PRDM14: variants seen among roughly 807,000 people sequenced by gnomAD.
The protein encoded by PRDM14 is PR domain zinc finger protein 14.
A neutral mutation model predicts 48.0 loss-of-function variants in PRDM14; 16 were observed. The observed-to-expected ratio is 0.33, with a 90% CI of 0.23 to 0.51. The LOEUF (loss-of-function observed/expected upper bound fraction) is 0.51, where lower values mean the gene tolerates loss of function less well. PRDM14 is among the 20% of genes least tolerant of loss of function. The pLI, the probability that PRDM14 is intolerant of heterozygous loss-of-function variation, is 0.97. For missense variants in PRDM14, 566 were observed against 719.6 expected (o/e 0.79, Z 2.44); for synonymous variants, 264 against 276.6 (o/e 0.95, Z 0.45).
Position 70,069,840 on chromosome 8 carries a change from ACTT to A in PRDM14, c.18_20del (p.Ser7del). 6.2e-7 allele frequency: 1 copy of A among 1,604,650 alleles called. No individual in the cohort carries two copies. The highest frequency in any genetic ancestry group is 8.5e-7 in the Non-Finnish European group (1 of 1,176,122). On this transcript the variant is annotated inframe_deletion, in exon 2 of 8. Transcript: ENST00000276594. ...ACACCTTGTCCTGAGGCACGGCCTCACTTGGCCGGGGTAGAGCCATCCCGGGAC... is the reference window on the plus strand; with the variant it reads ...ACACCTTGTCCTGAGGCACGGCCTCAGGCCGGGGTAGAGCCATCCCGGGAC...
chr8:70,057,034 C>T (rs1226371371), intron 6 of PRDM14, among the ~76,000 whole-genome samples: 10 of 150,766 alleles, frequency 6.6e-5, no homozygotes, highest in African/African-American at 2.2e-4. Flanking sequence ...GGCGCGATCT[C>T]GGCTCACTGC....
intron 5 of PRDM14, 26 bp from the exon 6 acceptor site, chr8:70,058,868 C>G: frequency 3.2e-6 from 5 of 1,570,654 alleles, no homozygotes; most frequent in Non-Finnish European, 4.4e-6. Flanking sequence ...AACACAATGT[C>G]TCTTCAGTTA....
rs746331528 is a variant in PRDM14, at chr8:70,069,438, G to T, written c.423C>A (p.Gly141=). The change falls in exon 2 of 8, where the codon GGC becomes GGA. Residue 141 remains glycine, a synonymous_variant. Transcript: ENST00000276594. ...HQIIGGDNES[G]PCCGPDTLIP... is the part of the protein sequence containing the mutation. ...TTAAAGTGTCAGGTCCACAACACGG[G>T]CCACTCTCGTTGTCGCCACCAATGA... 1.3e-6 allele frequency: 2 copies of T among 1,588,424 alleles called. No homozygotes were observed. The highest frequency in any genetic ancestry group is 2.3e-5 in the South Asian group (2 of 87,024).
intron 2 of PRDM14, 78 bp from the exon 3 acceptor site, chr8:70,068,610 A>G: frequency 1.7e-6 from 2 of 1,181,344 alleles, no homozygotes; most frequent in East Asian, 4.8e-5. Context: ...TCCCTCCTTA[A>G]TTCCCTAAAG....
Position 70,058,810 on chromosome 8 carries a change from C to T in PRDM14, c.1216G>A (p.Gly406Arg), listed in dbSNP as rs1805523878. The change falls in exon 6 of 8, where the codon GGG (glycine) becomes AGG (arginine). Residue 406 changes from glycine (G) to arginine (R), a missense_variant. Physicochemically the swap from Gly to Arg is moderately radical, Grantham distance 125. Coordinates refer to ENST00000276594, the MANE Select transcript of PRDM14 (RefSeq NM_024504.4). ...SAEGYRCERC[G>R]KVFTYKYYRD... ...TAATATTTGTAGGTAAATACCTTCC[C>T]ACATCTTTCACATCTGTAGCCTTCT... 1.9e-6 allele frequency: 3 copies of T among 1,614,082 alleles called. No homozygotes were observed. Among genetic ancestry groups the T allele is most frequent in the East Asian group, 2.2e-5 (1 of 44,886 alleles).
At chr8:70,053,636 C>T (rs1168634302) in intron 7 of PRDM14, among the ~76,000 whole-genome samples, 1 of 152,118 alleles carries the variant, frequency 6.6e-6, no homozygotes, top group Non-Finnish European at 1.5e-5. Flanking sequence ...TTGATCCACC[C>T]ACCTTGGCCT....
At chr8:70,069,089 C>G (rs1316839019) in intron 2 of PRDM14, 72 bp downstream of exon 2, 1 of 1,261,476 alleles carries the variant, frequency 7.9e-7, no homozygotes, top group Non-Finnish European at 1.1e-6. Context: ...GGAAGCGCCT[C>G]TTCCCGGACA....
chr8:70,065,541 C>A (rs1480793445), intron 5 of PRDM14, among the ~76,000 whole-genome samples: 4 of 152,078 alleles, frequency 2.6e-5, no homozygotes, highest in Admixed American at 2.6e-4. Flanking sequence ...TCCTGGGCCC[C>A]TACCCTGAAT....
At chr8:70,053,999 C>A (rs976163706) in intron 7 of PRDM14, among the ~76,000 whole-genome samples, 1 of 152,202 alleles carries the variant, frequency 6.6e-6, no homozygotes, top group Non-Finnish European at 1.5e-5. Context: ...GTGGCTAATG[C>A]AACCTAGGGA....
In PRDM14 at chr8:70,069,395, C is replaced by A. The variant is rs201614345; in HGVS notation, c.466G>T (p.Asp156Tyr). 2 of 1,609,724 alleles carry A rather than the reference C, an allele frequency of 1.2e-6. No homozygotes were observed. The highest frequency in any genetic ancestry group is 1.7e-6 in the Non-Finnish European group (2 of 1,177,796). ...PDTLIPPPPADASLLPEGLRT... is the reference protein window; with the variant it reads ...PDTLIPPPPAYASLLPEGLRT... ...AGCCCCTCAGGTAACAGAGAAGCAT[C>A]CGCAGGGGGCGGTGGAATTAAAGTG... Residue 156 changes from aspartate (D) to tyrosine (Y), a missense_variant, in exon 2 of 8, where the codon GAT becomes TAT. Physicochemically the swap from Asp to Tyr is radical, Grantham distance 160 (BLOSUM62 -3). Coordinates refer to ENST00000276594, the MANE Select transcript of PRDM14 (RefSeq NM_024504.4).
intron 5 of PRDM14, among the ~76,000 whole-genome samples, chr8:70,066,032 T>C (rs1022224432): frequency 6.6e-6 from 1 of 152,196 alleles, no homozygotes; most frequent in African/African-American, 2.4e-5. Flanking sequence ...TATATCTTTA[T>C]AAATAGGAGT....
intron 5 of PRDM14, among the ~76,000 whole-genome samples, chr8:70,062,058 C>T (rs960600209): frequency 6.6e-6 from 1 of 152,214 alleles, no homozygotes; most frequent in Non-Finnish European, 1.5e-5. Flanking sequence ...CACATCCAAA[C>T]CATTCATATT....
chr8:70,069,092 C>T, intron 2 of PRDM14, 69 bp downstream of exon 2: 2 of 1,282,160 alleles, frequency 1.6e-6, no homozygotes, highest in Non-Finnish European at 2.1e-6. Flanking sequence ...AGCGCCTCTT[C>T]CCGGACACTC....
intron 6 of PRDM14, among the ~76,000 whole-genome samples, chr8:70,056,726 G>C (rs1441987190): frequency 6.6e-6 from 1 of 151,250 alleles, no homozygotes; most frequent in Non-Finnish European, 1.5e-5. Flanking sequence ...GGCTGAGGTT[G>C]GGTGATTGTT....
Position 70,052,290 on chromosome 8 carries a change from G to C in PRDM14, c.1503C>G (p.Ser501=). The part of the protein sequence containing the change: ...CVYCTKRFTA[S]SILRTHIRQH... ...GCCTGATGTGTGTGCGGAGTATGCT[G>C]GAGGCTGTGAACCTCTGCAGAGAAC... Residue 501 remains serine (S), a synonymous_variant, in exon 8 of 8, where the codon TCC becomes TCG. Coordinates refer to ENST00000276594, the MANE Select transcript of PRDM14 (RefSeq NM_024504.4). The C allele has an allele frequency of 6.2e-7, 1 of 1,612,316 alleles. No homozygotes were observed. The highest frequency in any genetic ancestry group is 8.5e-7 in the Non-Finnish European group (1 of 1,178,680).
At chr8:70,056,939 TC>T (rs1805483142) in intron 6 of PRDM14, among the ~76,000 whole-genome samples, 1 of 150,632 alleles carries the variant, frequency 6.6e-6, no homozygotes, top group African/African-American at 2.4e-5. Flanking sequence ...TCTACTGACC[TC>T]CTGGTTGACA....
chr8:70,069,098 C>T lies in PRDM14; in HGVS notation c.700+63G>A, dbSNP rs1805719588. ...CCACCTGGAAGCGCCTCTTCCCGGA[C>T]ACTCCCGTTCCCGCCTGCATTCCCG... On this transcript the variant is annotated intron_variant, in intron 2 of 7. Transcript: ENST00000276594. 3 of 1,314,206 alleles carry T rather than the reference C, an allele frequency of 2.3e-6. No homozygotes were observed. The Admixed American group carries it at 7.8e-5, about 34-fold the overall frequency. 81.4% of individuals were successfully genotyped at this position (1,314,206 alleles called of 1,614,324 possible).
In PRDM14 at chr8:70,069,381, T is replaced by C. The variant is rs763722441; in HGVS notation, c.480A>G (p.Leu160=). 6.2e-6 allele frequency: 10 copies of C among 1,611,366 alleles called. No homozygotes were observed. Residue 160 remains leucine (L), a synonymous_variant, in exon 2 of 8, where the codon TTA becomes TTG. Transcript: ENST00000276594. The part of the protein sequence containing the change: ...IPPPPADASL[L]PEGLRTSQLL... ...ACTGGGAGGTCCTCAGCCCCTCAGG[T>C]AACAGAGAAGCATCCGCAGGGGGCG...
intron 5 of PRDM14, 63 bp from the exon 6 acceptor site, chr8:70,058,905 ATATT>A (rs530833863): frequency 3.6e-4 from 458 of 1,269,272 alleles, no homozygotes; most frequent in Middle Eastern, 7.8e-4. Context: ...CTTCAAGAGG[ATATT>A]TATTTATTTA....
Sources: allele counts gnomAD v4.1 joint callset (sites outside exome capture counted in the v4.1 genomes callset), GRCh38; gene constraint gnomAD v4.1.1; transcripts MANE v1.5; gene names NCBI Gene and HGNC (gene_info 2026-07-23, HGNC 2026-07-21).